Variants in EPC2 observed in about 807,000 individuals in gnomAD.
EPC2 encodes the protein enhancer of polycomb homolog 2.
In EPC2, 14 loss-of-function variants were observed where a neutral mutation model predicts 92.1. The ratio of observed to expected loss-of-function variants is 0.15; its 90% CI spans 0.10 to 0.24. EPC2 has a LOEUF of 0.24. Among genes scored for constraint, EPC2 ranks in the 10% least tolerant of loss-of-function variants. The pLI, the probability that EPC2 is intolerant of heterozygous loss-of-function variation, is 1.00. For missense variants in EPC2, 755 were observed against 971.5 expected, an observed-to-expected ratio of 0.78 and a Z score of 2.96; for synonymous variants, 340 against 334.7, an observed-to-expected ratio of 1.02 and a Z score of -0.17.
chr2:148,726,313 G>A (rs913611207), intron 2 of EPC2, among the ~76,000 whole-genome samples: 14 of 152,152 alleles, frequency 9.2e-5, no homozygotes, highest in African/African-American at 3.4e-4. Context: ...TATATACACA[G>A]AAGTGAGATT....
intron 2 of EPC2, among the ~76,000 whole-genome samples, chr2:148,693,328 T>C (rs1470799015): frequency 6.6e-6 from 1 of 152,222 alleles, no homozygotes; most frequent in African/African-American, 2.4e-5. Context: ...CATACTTGCC[T>C]GGGCTTTGGC....
chr2:148,651,671 A>G, intron 1 of EPC2, among the ~76,000 whole-genome samples: 1 of 152,170 alleles, frequency 6.6e-6, no homozygotes, highest in East Asian at 1.9e-4. Flanking sequence ...AAATGGCCAT[A>G]TAATTTGGAA....
At chr2:148,738,585 A>G (rs1682813885) in intron 2 of EPC2, among the ~76,000 whole-genome samples, 1 of 152,216 alleles carries the variant, frequency 6.6e-6, no homozygotes, top group Non-Finnish European at 1.5e-5. Context: ...AAATAACCAG[A>G]GAAAAGAGGG....
At chr2:148,706,646 C>G (rs893100847) in intron 2 of EPC2, among the ~76,000 whole-genome samples, 4 of 152,220 alleles carry the variant, frequency 2.6e-5, no homozygotes, top group Non-Finnish European at 5.9e-5. Flanking sequence ...AACAGCGGAT[C>G]TCTCGGCAGA....
At chr2:148,685,244 C>T (rs539343279) in intron 1 of EPC2, among the ~76,000 whole-genome samples, 7 of 30,814 alleles carry the variant, frequency 2.3e-4, no homozygotes, top group South Asian at 4.9e-3. Context: ...TAATGGATTT[C>T]GTTGAGTTTT....
At chr2:148,785,990 A>C (rs951455065) in intron 13 of EPC2, among the ~76,000 whole-genome samples, 1 of 152,158 alleles carries the variant, frequency 6.6e-6, no homozygotes, top group Admixed American at 6.5e-5. Context: ...CTCGAGAAAA[A>C]AAAAAGAAAA....
chr2:148,771,574 G>T (rs1227070462), intron 10 of EPC2, among the ~76,000 whole-genome samples, 187 bp downstream of exon 10: 1 of 151,942 alleles, frequency 6.6e-6, no homozygotes, highest in Non-Finnish European at 1.5e-5. Flanking sequence ...TCTGTTTCGG[G>T]TGTGTGCCTG....
intron 2 of EPC2, among the ~76,000 whole-genome samples, chr2:148,721,520 AG>A (rs1682373605): frequency 1.3e-5 from 2 of 151,778 alleles, no homozygotes; most frequent in Admixed American, 6.6e-5. Flanking sequence ...GCCTAACTAT[AG>A]GGTGGTTTTG....
chr2:148,770,708 C>A, intron 8 of EPC2, 84 bp from the exon 9 acceptor site: 1 of 1,368,158 alleles, frequency 7.3e-7, no homozygotes, highest in Non-Finnish European at 9.7e-7. Context: ...GTTGCAGTTA[C>A]TTCATGTTTA....
At chr2:148,728,743 T>A (rs1046758689) in intron 2 of EPC2, among the ~76,000 whole-genome samples, 2 of 146,250 alleles carry the variant, frequency 1.4e-5, no homozygotes, top group African/African-American at 5.0e-5. Flanking sequence ...TTTTTTTTTT[T>A]AAAAAAAGGC....
In EPC2 at chr2:148,761,948, A is replaced by C; in HGVS notation, c.815+18A>C. On this transcript the variant is annotated intron_variant, in intron 5 of 13. Transcript: ENST00000258484. ...GAGAAAAGGTAACATTGCTCCTGTT[A>C]CAACAGTAAAATGACAACTTTACCA... is the stretch of plus-strand genomic sequence containing the variant. The C allele has an allele frequency of 6.4e-7, 1 of 1,551,724 alleles. No homozygotes were observed. Among genetic ancestry groups the C allele is most frequent in the Non-Finnish European group, 8.6e-7 (1 of 1,158,768 alleles).
chr2:148,738,904 A>G (rs2074264541), intron 2 of EPC2, among the ~76,000 whole-genome samples: 1 of 152,092 alleles, frequency 6.6e-6, no homozygotes, highest in South Asian at 2.1e-4. Flanking sequence ...AGACAAACAT[A>G]CTCTAATGCT....
intron 1 of EPC2, among the ~76,000 whole-genome samples, chr2:148,689,163 T>C (rs1443387632): frequency 6.6e-6 from 1 of 151,864 alleles, no homozygotes; most frequent in African/African-American, 2.4e-5. Context: ...TGCAGAGTCT[T>C]GTAGGTCATT....
intron 2 of EPC2, among the ~76,000 whole-genome samples, chr2:148,735,944 C>G (rs1322732900): frequency 6.6e-6 from 1 of 151,932 alleles, no homozygotes; most frequent in East Asian, 1.9e-4. Context: ...TTCTTTTAAT[C>G]AGGAATCAAG....
At chr2:148,653,107 G>A (rs1680718267) in intron 1 of EPC2, among the ~76,000 whole-genome samples, 1 of 152,200 alleles carries the variant, frequency 6.6e-6, no homozygotes, top group Non-Finnish European at 1.5e-5. Flanking sequence ...TTGAGGGAAG[G>A]TATCATGTGT....
At chr2:148,689,444 C>T (rs1681600530) in intron 1 of EPC2, among the ~76,000 whole-genome samples, 1 of 152,100 alleles carries the variant, frequency 6.6e-6, no homozygotes, top group Non-Finnish European at 1.5e-5. Context: ...TCCCAAAGTG[C>T]TGGGATTACA....
At chr2:148,674,632 T>A (rs908112510) in intron 1 of EPC2, among the ~76,000 whole-genome samples, 1 of 152,182 alleles carries the variant, frequency 6.6e-6, no homozygotes, top group African/African-American at 2.4e-5. Flanking sequence ...AGCCAGAATG[T>A]TGGACATAGG....
chr2:148,648,114 T>A (rs1334901051), intron 1 of EPC2, among the ~76,000 whole-genome samples: 3 of 152,274 alleles, frequency 2.0e-5, no homozygotes, highest in African/African-American at 7.2e-5. Flanking sequence ...CTGTCCTTTC[T>A]GCCTCTTTAA....
intron 5 of EPC2, 26 bp from the exon 6 acceptor site, chr2:148,762,644 T>TC (rs1457581437): frequency 6.6e-7 from 1 of 1,519,140 alleles, no homozygotes; most frequent in Admixed American, 2.2e-5. Context: ...TGCAATGTTT[T>TC]CTTATATTTT....
Sources: gnomAD v4.1 joint callset for allele counts (sites outside exome capture counted in the v4.1 genomes callset) on GRCh38, gnomAD v4.1.1 for gene constraint, MANE v1.5 for transcripts, NCBI Gene and HGNC (gene_info 2026-07-23, HGNC 2026-07-21) for gene names.